The following TACC2 variants were observed in gnomAD, a reference collection of about 807,000 sequenced individuals.
TACC2 encodes the protein transforming acidic coiled-coil containing protein 2.
In TACC2, 137 loss-of-function variants were observed where a neutral mutation model predicts 227.3. The ratio of observed to expected loss-of-function variants is 0.60; its 90% confidence interval spans 0.52 to 0.69. The LOEUF is 0.69. TACC2 is among the 30% of genes least tolerant of loss of function. The pLI is 0.00. For missense variants in TACC2, 3,470 were observed against 3,694.4 expected (o/e 0.94, Z 1.57); for synonymous variants, 1,523 against 1,487.5 (o/e 1.02, Z -0.55).
intron 3 of TACC2, among the ~76,000 whole-genome samples, chr10:122,074,434 G>C (rs1007078762): frequency 1.3e-5 from 2 of 152,068 alleles, no homozygotes; most frequent in Non-Finnish European, 2.9e-5. Flanking sequence ...CACTGAGTTT[G>C]GTTTTTAAAA....
chr10:122,132,469 T>A, intron 5 of TACC2, 140 bp from the exon 6 acceptor site: 1 of 995,850 alleles, frequency 1.0e-6, no homozygotes, highest in South Asian at 1.5e-5. Flanking sequence ...GAATTGCCTG[T>A]ACCCTGGAGA....
chr10:122,127,612 T>C (rs1424078462), intron 5 of TACC2, among the ~76,000 whole-genome samples: 1 of 152,052 alleles, frequency 6.6e-6, no homozygotes, highest in Admixed American at 6.6e-5. Context: ...TTTTTTTTCC[T>C]CTGAAAAATA....
Position 122,254,377 on chromosome 10 carries a change from C to A in TACC2, c.*321C>A. On this transcript the variant is annotated 3_prime_UTR_variant, in exon 23 of 23. Coordinates refer to ENST00000369005, the MANE Select transcript of TACC2 (RefSeq NM_206862.4). ...TTTGTACACAAGTTCCCAGGGTGAG[C>A]AGCTTTTGGATTTAATATGAACATG... 2.6e-6 allele frequency: 1 copy of A among 382,770 alleles called. No homozygotes were observed. The highest frequency in any genetic ancestry group is 4.9e-6 in the Non-Finnish European group (1 of 205,088). The allele number at this position is 382,770 out of a possible 1,614,324, so 23.7% of individuals were successfully genotyped here. A position where few individuals can be genotyped will look rare whatever the true frequency, so the allele number is the denominator to read the frequency against.
intron 5 of TACC2, among the ~76,000 whole-genome samples, chr10:122,123,836 G>A (rs1476504638): frequency 4.2e-5 from 6 of 142,146 alleles, no homozygotes; most frequent in African/African-American, 1.5e-4. Flanking sequence ...TTTTTGAGGC[G>A]GAGTTTCACT....
intron 1 of TACC2, among the ~76,000 whole-genome samples, chr10:122,008,699 A>G (rs1018621980): frequency 3.3e-5 from 5 of 151,912 alleles, no homozygotes; most frequent in Non-Finnish European, 7.4e-5. Context: ...CAGCCTCCCA[A>G]GTAGCTGGGA....
rs560474918 is a variant in TACC2 at position 122,180,628 on chromosome 10, G to A, written c.5835-14412G>A. Among the ~76,000 whole-genome samples, 6 of 152,142 alleles carry A rather than the reference G, an allele frequency of 3.9e-5. No individual in the cohort carries two copies. In the South Asian group the frequency reaches 6.2e-4, roughly 16 times the overall value. On this transcript the variant is annotated intron_variant, in intron 7 of 22. Coordinates refer to ENST00000369005, the MANE Select transcript of TACC2 (RefSeq NM_206862.4). The surrounding 1 kb of genome is among the most constrained non-coding windows in gnomAD (Gnocchi z 4.5). The stretch of plus-strand genomic sequence containing the variant: ...GCTGGGATTACAGGCATGAGCCACC[G>A]CACCCGGCCTCTTCCCTCGAGTTCT...
intron 1 of TACC2, among the ~76,000 whole-genome samples, chr10:121,992,248 A>G (rs1953057635): frequency 6.6e-6 from 1 of 152,226 alleles, no homozygotes; most frequent in Non-Finnish European, 1.5e-5. Context: ...CCACCCTGAT[A>G]TGCCAGGCTG....
rs558298320 is a variant in TACC2 at position 122,115,796 on chromosome 10, C to G, written c.5574-16813C>G. The stretch of plus-strand genomic sequence containing the variant: ...TTTTTTCAGGACTTGGTTCCATAGC[C>G]AAAAGCGAAGCGTTCTTGGATTTAC... On this transcript the variant is annotated intron_variant, in intron 5 of 22. Transcript: ENST00000369005. Among the ~76,000 whole-genome samples the G allele has an allele frequency of 2.6e-5, 4 of 152,110 alleles. No individual in the cohort carries two copies. The East Asian group carries it at 7.7e-4, about 29-fold the overall frequency.
intron 8 of TACC2, among the ~76,000 whole-genome samples, chr10:122,199,544 G>A (rs1215437657): frequency 6.6e-6 from 1 of 152,192 alleles, no homozygotes. Context: ...GGGGCACAGG[G>A]GTGGGTGTCA....
intron 19 of TACC2, 141 bp from the exon 20 acceptor site, chr10:122,248,502 G>T (rs894473500): frequency 1.4e-5 from 14 of 966,146 alleles, no homozygotes; most frequent in African/African-American, 1.6e-5. Flanking sequence ...GCTCTGGGGC[G>T]TGGGTTCGTC....
intron 6 of TACC2, among the ~76,000 whole-genome samples, chr10:122,133,837 AG>A (rs2088922372): frequency 6.6e-6 from 1 of 152,178 alleles, no homozygotes; most frequent in African/African-American, 2.4e-5. Context: ...GAACTCCTTG[AG>A]GGAGGAACTG....
chr10:122,026,445 ATT>A (rs77043609), intron 2 of TACC2, among the ~76,000 whole-genome samples: 22 of 147,360 alleles, frequency 1.5e-4, no homozygotes, highest in African/African-American at 4.2e-4. Context: ...ATTTTCTGCT[ATT>A]TTTTTTTTTG....
intron 7 of TACC2, among the ~76,000 whole-genome samples, chr10:122,188,738 G>A (rs538479124): frequency 1.3e-5 from 2 of 152,196 alleles, no homozygotes; most frequent in African/African-American, 2.4e-5. Context: ...TGGTCAGGAC[G>A]GCGATGGCCA....
chr10:122,003,106 G>A (rs965033568), intron 1 of TACC2, among the ~76,000 whole-genome samples: 2 of 152,102 alleles, frequency 1.3e-5, no homozygotes, highest in Non-Finnish European at 2.9e-5. Context: ...TGGAGGCTGA[G>A]GCAGGAAAAT....
intron 8 of TACC2, among the ~76,000 whole-genome samples, chr10:122,203,893 C>T (rs1375270298): frequency 7.9e-5 from 12 of 152,110 alleles, no homozygotes; most frequent in East Asian, 7.8e-4. Flanking sequence ...AACGAGACTC[C>T]GTCTGCAATC....
intron 3 of TACC2, among the ~76,000 whole-genome samples, chr10:122,077,799 A>G (rs968160319): frequency 6.6e-6 from 1 of 152,066 alleles, no homozygotes; most frequent in Admixed American, 6.5e-5. Context: ...CGGCTCTTTG[A>G]CCCTGGGTCC....
In TACC2 at chr10:122,050,646, G is replaced by A; in HGVS notation, c.146+96G>A. 1.1e-6 allele frequency: 1 copy of A among 950,030 alleles called. No individual in the cohort carries two copies. Among genetic ancestry groups the A allele is most frequent in the Non-Finnish European group, 1.6e-6 (1 of 610,414 alleles). 58.9% of individuals were successfully genotyped at this position (950,030 alleles called of 1,614,324 possible). ...CTTTGCCCCATTTGCTTTGGAAACT[G>A]GACCCTTAGACACATGGTATCGTCC... On this transcript the variant is annotated intron_variant, in intron 3 of 22. Transcript: ENST00000369005. The surrounding 1 kb of genome is among the most constrained non-coding windows in gnomAD (Gnocchi z 4.6).
chr10:122,106,283 C>T lies in TACC2; in HGVS notation c.5573+17692C>T, dbSNP rs538929010. The stretch of plus-strand genomic sequence containing the variant: ...GATTACAGGTGTGAGCCACCGCGCC[C>T]GGCCCCTGTCTTAAACATTTTTATC... On this transcript the variant is annotated intron_variant, in intron 5 of 22. Coordinates refer to ENST00000369005, the MANE Select transcript of TACC2 (RefSeq NM_206862.4). 2.2e-3 allele frequency among the ~76,000 whole-genome samples: 335 copies of T among 152,198 alleles called. 6 individuals are homozygous for T. The highest frequency in any genetic ancestry group is 0.02 in the Admixed American group (305 of 15,280).
rs149524584 is a variant in TACC2, at chr10:122,086,618, G to T, written c.4118G>T (p.Ser1373Ile). Residue 1373 changes from serine to isoleucine, a missense_variant, in exon 4 of 23, where the codon AGC becomes ATC. Coordinates refer to ENST00000369005, the MANE Select transcript of TACC2 (RefSeq NM_206862.4). ...AGDAAGETEG[S>I]MERMGEPSQD... The stretch of plus-strand genomic sequence containing the variant: ...GATGCAGCAGGAGAGACAGAGGGCA[G>T]CATGGAGAGGATGGGAGAGCCTTCC... The T allele has an allele frequency of 2.1e-5, 33 of 1,599,572 alleles. No homozygotes were observed. In the African/African-American group the frequency reaches 3.1e-4, roughly 15 times the overall value.
Sources: gnomAD v4.1 joint callset for allele counts (sites outside exome capture counted in the v4.1 genomes callset) on GRCh38, gnomAD v4.1.1 for gene constraint, Gnocchi (gnomAD v3.1) non-coding constraint, MANE v1.5 for transcripts, NCBI Gene and HGNC (gene_info 2026-07-23, HGNC 2026-07-21) for gene names.